The following KIR2DL3 variants were observed in gnomAD, a reference collection of about 807,000 sequenced individuals.
KIR2DL3 encodes the protein killer cell immunoglobulin-like receptor 2DL3.
A neutral mutation model predicts 33.8 loss-of-function variants in KIR2DL3; 39 were observed. That is an observed-to-expected ratio of 1.15 (90% CI 0.89 to 1.51). KIR2DL3 has a LOEUF of 1.51. Ranked by LOEUF, KIR2DL3 falls within the 40% of genes most tolerant of loss-of-function variation. The pLI is 0.00. For missense variants in KIR2DL3, 462 were observed against 426.2 expected (o/e 1.08, Z -0.74); for synonymous variants, 174 against 160.2 (o/e 1.09, Z -0.65).
intron 5 of KIR2DL3, among the ~76,000 whole-genome samples, chr19:54,749,127 C>A (rs2569660): frequency 1.8e-4 from 27 of 151,070 alleles, no homozygotes; most frequent in East Asian, 1.7e-3. Flanking sequence ...AGAGGCTCTG[C>A]CTCAAATGCT....
chr19:54,744,915 TATAAAC>T (rs1465059365), intron 4 of KIR2DL3, among the ~76,000 whole-genome samples: 11 of 40,458 alleles, frequency 2.7e-4, no homozygotes, highest in African/African-American at 7.6e-4. Context: ...CACACACATA[TATAAAC>T]ATATATATAT....
intron 5 of KIR2DL3, among the ~76,000 whole-genome samples, 167 bp downstream of exon 5, chr19:54,747,552 G>A (rs2072746504): frequency 6.6e-6 from 1 of 152,108 alleles, no homozygotes; most frequent in African/African-American, 2.4e-5. Context: ...CCCAACCTAG[G>A]GCTCAGTGAA....
At chr19:54,740,670 G>T (rs2070883484) in intron 2 of KIR2DL3, among the ~76,000 whole-genome samples, 2 of 151,962 alleles carry the variant, frequency 1.3e-5, no homozygotes, top group African/African-American at 4.8e-5. Flanking sequence ...GGTAAAGGGG[G>T]ATTGAATACA....
At chr19:54,739,211 G>A (rs1459658306) in intron 1 of KIR2DL3, among the ~76,000 whole-genome samples, 2 of 151,088 alleles carry the variant, frequency 1.3e-5, no homozygotes, top group Admixed American at 6.6e-5. Context: ...CGGAGATATG[G>A]GACTGGATTG....
At chr19:54,747,171 G>A (rs2072644274) in intron 4 of KIR2DL3, among the ~76,000 whole-genome samples, 164 bp from the exon 5 acceptor site, 1 of 147,222 alleles carries the variant, frequency 6.8e-6, no homozygotes, top group African/African-American at 2.5e-5. Flanking sequence ...GAAGTCTCAA[G>A]ACAGTGGGCG....
At position 54,744,954 on chromosome 19, in the gene KIR2DL3, ATTTTTT is replaced by A. The variant is rs71195797; in HGVS notation, c.664+884_664+889del. The stretch of plus-strand genomic sequence containing the variant: ...TATATATATATATATATATATATAT[ATTTTTT>A]TTTTTTTTTTTTTTTTTACCCTCCA... On this transcript the variant is annotated intron_variant, in intron 4 of 7. Coordinates refer to ENST00000342376, the MANE Select transcript of KIR2DL3 (RefSeq NM_015868.3). Among the ~76,000 whole-genome samples the A allele has an allele frequency of 3.9e-3, 122 of 31,120 alleles. 1 individual carries two copies. Among genetic ancestry groups the A allele is most frequent in the East Asian group, 8.5e-3 (8 of 940 alleles). 20.4% of individuals were successfully genotyped at this position (31,120 alleles called of 152,430 possible).
Position 54,743,901 on chromosome 19 carries a change from T to A in KIR2DL3, c.477T>A (p.His159Gln). Residue 159 changes from histidine (H) to glutamine (Q), a missense_variant, in exon 4 of 8, where the codon CAT (histidine) becomes CAA (glutamine). By Grantham distance (24) the His-to-Gln change is conservative. Coordinates refer to ENST00000342376, the MANE Select transcript of KIR2DL3 (RefSeq NM_015868.3). ...CCCGGAGCTCCTATGACATGTACCA[T>A]CTATCCAGGGAGGGGGAGGCCCATG... Reference protein sequence around the residue: ...CSSRSSYDMYHLSREGEAHER... With the variant: ...CSSRSSYDMYQLSREGEAHER... The A allele has an allele frequency of 6.2e-7, 1 of 1,614,028 alleles. No individual in the cohort carries two copies. Among genetic ancestry groups the A allele is most frequent in the South Asian group, 1.1e-5 (1 of 91,086 alleles).
Position 54,751,601 on chromosome 19 carries a change from G to C in KIR2DL3, c.716-48G>C. On this transcript the variant is annotated intron_variant, in intron 5 of 7. Coordinates refer to ENST00000342376, the MANE Select transcript of KIR2DL3 (RefSeq NM_015868.3). Reference sequence around the variant, plus strand: ...CAAGAAATGTGAGACAATTCATAAAGAGGAACTGCTATGATTAGCTTCTTA... The same window carrying C: ...CAAGAAATGTGAGACAATTCATAAACAGGAACTGCTATGATTAGCTTCTTA... 21 of 1,348,354 alleles carry C rather than the reference G, an allele frequency of 1.6e-5. 4 individuals are homozygous for C. The highest frequency in any genetic ancestry group is 2.2e-5 in the Non-Finnish European group (21 of 972,872). 83.5% of individuals were successfully genotyped at this position (1,348,354 alleles called of 1,614,324 possible). A position where few individuals can be genotyped will look rare whatever the true frequency, so the allele number is the denominator to read the frequency against.
Position 54,750,010 on chromosome 19 carries a change from T to G in KIR2DL3, c.716-1639T>G, listed in dbSNP as rs184128116. On this transcript the variant is annotated intron_variant, in intron 5 of 7. Transcript: ENST00000342376. ...TTCTCTATAATTACTTCTTTGATCC[T>G]TTATCTTATCCATTAGGCAATGAGC... Among the ~76,000 whole-genome samples, 680 of 131,482 alleles carry G rather than the reference T, an allele frequency of 5.2e-3. 109 individuals carry two copies. The highest frequency in any genetic ancestry group is 6.7e-3 in the Non-Finnish European group (405 of 60,466). 86.3% of individuals were successfully genotyped at this position (131,482 alleles called of 152,430 possible).
At chr19:54,743,126 G>A (rs1448107883) in intron 3 of KIR2DL3, among the ~76,000 whole-genome samples, 3 of 151,888 alleles carry the variant, frequency 2.0e-5, no homozygotes, top group South Asian at 2.1e-4. Flanking sequence ...TAGAGAGACC[G>A]AGAGGCAGAG....
intron 2 of KIR2DL3, among the ~76,000 whole-genome samples, chr19:54,741,359 A>C (rs1282865795): frequency 7.9e-5 from 12 of 151,502 alleles, no homozygotes; most frequent in Admixed American, 2.6e-4. Flanking sequence ...TTAATTAATT[A>C]AAGAAACCAA....
chr19:54,750,605 A>G (rs1281041126), intron 5 of KIR2DL3, among the ~76,000 whole-genome samples: 2 of 137,304 alleles, frequency 1.5e-5, no homozygotes, highest in African/African-American at 2.7e-5. Flanking sequence ...TTCGCTGTGT[A>G]TCAATCCCAG....
chr19:54,743,944 G>A lies in KIR2DL3; in HGVS notation c.520G>A (p.Gly174Arg), dbSNP rs1298851369. The A allele has an allele frequency of 1.9e-6, 3 of 1,614,186 alleles. No individual in the cohort carries two copies. The highest frequency in any genetic ancestry group is 1.6e-4 in the Middle Eastern group (1 of 6,062). ...GGCCCATGAACGTAGGTTCTCTGCA[G>A]GGCCCAAGGTCAACGGAACATTCCA... ...GEAHERRFSAGPKVNGTFQAD... is the reference protein window; with the variant it reads ...GEAHERRFSARPKVNGTFQAD... Residue 174 changes from glycine to arginine, a missense_variant, in exon 4 of 8, where the codon GGG (glycine) becomes AGG (arginine). Transcript: ENST00000342376.
intron 1 of KIR2DL3, 21 bp downstream of exon 1, chr19:54,738,600 G>C: frequency 6.2e-7 from 1 of 1,614,026 alleles, no homozygotes. Context: ...GAAGGGCATC[G>C]AGGGAGGGAG....
At chr19:54,745,608 C>T (rs2907926) in intron 4 of KIR2DL3, among the ~76,000 whole-genome samples, 30,867 of 134,876 alleles carry the variant, frequency 0.23, 982 homozygotes, top group Middle Eastern at 0.28. Context: ...AACTGAGGTG[C>T]CCGCCTCGGT....
chr19:54,751,290 T>C (rs1349273082), intron 5 of KIR2DL3, among the ~76,000 whole-genome samples: 2 of 129,808 alleles, frequency 1.5e-5, no homozygotes, highest in African/African-American at 2.9e-5. Context: ...CAGGAACTAA[T>C]AGAAGGGGAA....
In KIR2DL3 at chr19:54,751,265, G is replaced by T. The variant is rs535101622; in HGVS notation, c.716-384G>T. 1.4e-4 allele frequency among the ~76,000 whole-genome samples: 18 copies of T among 126,822 alleles called. 2 individuals are homozygous for T. Among genetic ancestry groups the T allele is most frequent in the African/African-American group, 2.4e-4 (8 of 32,674 alleles). 83.2% of individuals were successfully genotyped at this position (126,822 alleles called of 152,430 possible). A position where few individuals can be genotyped will look rare whatever the true frequency, so the allele number is the denominator to read the frequency against. On this transcript the variant is annotated intron_variant, in intron 5 of 7. Transcript: ENST00000342376. ...AGCGATGGAGCTTCCAAGCTCTTTT[G>T]AACAACCAGCTCTCCAGGAACTAAT... is the stretch of plus-strand genomic sequence containing the variant.
intron 4 of KIR2DL3, among the ~76,000 whole-genome samples, chr19:54,746,105 G>A (rs572526194): frequency 2.3e-4 from 31 of 132,616 alleles, no homozygotes; most frequent in African/African-American, 3.4e-4. Flanking sequence ...GAGCCACCAC[G>A]CCCGGCCTAA....
In KIR2DL3 at chr19:54,751,732, C is replaced by T. The variant is rs146860594; in HGVS notation, c.799C>T (p.Arg267Cys). The change falls in exon 6 of 8, where the codon CGC (arginine) becomes TGC (cysteine). Residue 267 changes from arginine to cysteine, a missense_variant. Transcript: ENST00000342376. ...FILLLFFLLH[R>C]WCCNKKNAVV... ...CCTCCTCCTCTTCTTTCTCCTTCAT[C>T]GCTGGTGCTGCAACAAAAAAAGTAA... 378 of 1,470,104 alleles carry T rather than the reference C, an allele frequency of 2.6e-4. 64 individuals carry two copies. Among genetic ancestry groups the T allele is most frequent in the South Asian group, 2.0e-3 (153 of 77,642 alleles). 91.1% of individuals were successfully genotyped at this position (1,470,104 alleles called of 1,614,324 possible).
Sources: gnomAD v4.1 joint callset for allele counts (sites outside exome capture counted in the v4.1 genomes callset) on GRCh38, gnomAD v4.1.1 for gene constraint, MANE v1.5 for transcripts, NCBI Gene and HGNC (gene_info 2026-07-23, HGNC 2026-07-21) for gene names.